Variants in SLC24A1 observed in about 807,000 individuals in gnomAD.
The protein encoded by SLC24A1 is sodium/potassium/calcium exchanger 1.
SLC24A1 carries 52 observed loss-of-function variants against 88.1 expected under a neutral mutation model. The observed-to-expected ratio is 0.59, with a 90% CI of 0.47 to 0.74. The LOEUF (loss-of-function observed/expected upper bound fraction) is 0.74, where lower values mean the gene tolerates loss of function less well. Among genes scored for constraint, SLC24A1 ranks in the 30% least tolerant of loss-of-function variants. SLC24A1 has a pLI of 0.00. For missense variants in SLC24A1, 1,173 were observed against 1,363.3 expected (o/e 0.86, Z 2.20); for synonymous variants, 455 against 498.0 (o/e 0.91, Z 1.15).
chr15:65,644,166 A>C lies in SLC24A1; in HGVS notation c.2054-261A>C, dbSNP rs2075226566. The C allele has an allele frequency of 1.1e-5, 5 of 449,148 alleles. No homozygotes were observed. In the Admixed American group the frequency reaches 1.7e-4, roughly 15 times the overall value. The allele number at this position is 449,148 out of a possible 1,614,324, so 27.8% of individuals were successfully genotyped here. A position where few individuals can be genotyped will look rare whatever the true frequency, so the allele number is the denominator to read the frequency against. On this transcript the variant is annotated intron_variant, in intron 4 of 9. Coordinates refer to ENST00000261892, the MANE Select transcript of SLC24A1 (RefSeq NM_004727.3). ...CATGTCATTTTACCAGAGAGGAAAT[A>C]GGCCTTGAGAAGGGAAATGACTTAC...
rs181945480 is a variant in SLC24A1, at chr15:65,651,898, A to T, written c.2883+139A>T. 1,094 of 681,736 alleles carry T rather than the reference A, an allele frequency of 1.6e-3. 19 individuals are homozygous for T. In the Admixed American group the frequency reaches 0.022, roughly 13 times the overall value. 42.2% of individuals were successfully genotyped at this position (681,736 alleles called of 1,614,324 possible). A position where few individuals can be genotyped will look rare whatever the true frequency, so the allele number is the denominator to read the frequency against. On this transcript the variant is annotated intron_variant, in intron 8 of 9. Transcript: ENST00000261892. Reference sequence around the variant, plus strand: ...TCTATGTTGTTTGTAAAGGCTTAAAAGTAGACTTTTTATTCCAGTGAACGC... The same window carrying T: ...TCTATGTTGTTTGTAAAGGCTTAAATGTAGACTTTTTATTCCAGTGAACGC...
chr15:65,643,141 A>G, intron 4 of SLC24A1: 3 of 721,324 alleles, frequency 4.2e-6, no homozygotes, highest in Non-Finnish European at 6.3e-6. Flanking sequence ...AAATTCATTT[A>G]CTTTGTCACC....
exon 1 of SLC24A1, chr15:65,611,431 G>A (rs930386231): frequency 1.8e-6 from 1 of 548,200 alleles, no homozygotes; most frequent in African/African-American, 1.9e-5. Context: ...CCCCATTCTC[G>A]GGCTCTTTCC....
intron 2 of SLC24A1, 67 bp downstream of exon 2, chr15:65,626,037 C>G: frequency 1.7e-6 from 2 of 1,180,736 alleles, no homozygotes; most frequent in Non-Finnish European, 2.5e-6. Context: ...AAGCCAGGAC[C>G]TGAAGAGAAG....
At chr15:65,656,265 C>G (rs1458673076), downstream of SLC24A1, 1 of 984,772 alleles carries the variant, frequency 1.0e-6, no homozygotes, top group Non-Finnish European at 1.2e-6. Context: ...ATCTGACATC[C>G]TTTTCCCAGT....
chr15:65,657,499 C>T (rs536893960), downstream of SLC24A1, among the ~76,000 whole-genome samples: 4 of 152,110 alleles, frequency 2.6e-5, no homozygotes, highest in African/African-American at 9.7e-5. Context: ...AAAAATTAGC[C>T]GGGCGAGGTG....
chr15:65,648,440 T>C (rs2075382729), intron 6 of SLC24A1, among the ~76,000 whole-genome samples: 1 of 152,182 alleles, frequency 6.6e-6, no homozygotes, highest in South Asian at 2.1e-4. Context: ...GGTTAGCTGG[T>C]TGCCTAATCT....
At position 65,624,943 on chromosome 15, in the gene SLC24A1, AAAGT is replaced by A. The variant is rs761718583; in HGVS notation, c.866_869del (p.Ser289ThrfsTer9). On this transcript the variant is annotated frameshift_variant, in exon 2 of 10. Transcript: ENST00000261892. LOFTEE classifies it high-confidence loss of function. ...AACCTGTTTCCCCCCAGAAGAGTGG[AAAGT>A]AACAGCTCAGCCCATCCCTGGGGGT... 6 of 1,611,736 alleles carry A rather than the reference AAAGT, an allele frequency of 3.7e-6. No homozygotes were observed. In the African/African-American group the frequency reaches 8.0e-5, roughly 22 times the overall value.
Position 65,655,134 on chromosome 15 carries a change from C to G in SLC24A1, c.*1055C>G. 2 of 995,510 alleles carry G rather than the reference C, an allele frequency of 2.0e-6. No homozygotes were observed. The highest frequency in any genetic ancestry group is 2.4e-6 in the Non-Finnish European group (2 of 836,174). 61.7% of individuals were successfully genotyped at this position (995,510 alleles called of 1,614,324 possible). A position where few individuals can be genotyped will look rare whatever the true frequency, so the allele number is the denominator to read the frequency against. ...TGGTCACCTTGAGGGATTAGACATT[C>G]TAATGGAATGTCCTGGCTCCACCCT... On this transcript the variant is annotated 3_prime_UTR_variant, in exon 10 of 10. Coordinates refer to ENST00000261892, the MANE Select transcript of SLC24A1 (RefSeq NM_004727.3).
intron 2 of SLC24A1, among the ~76,000 whole-genome samples, chr15:65,637,557 T>C (rs1338501241): frequency 6.6e-6 from 1 of 152,244 alleles, no homozygotes; most frequent in African/African-American, 2.4e-5. Context: ...TTGATTTTCA[T>C]TTATTCATTC....
intron 4 of SLC24A1, among the ~76,000 whole-genome samples, chr15:65,640,482 C>A (rs2075087820): frequency 1.3e-5 from 2 of 152,186 alleles, no homozygotes; most frequent in South Asian, 4.1e-4. Flanking sequence ...CTCTCCTGCT[C>A]TCCTGGAGCC....
In SLC24A1 at chr15:65,654,520, C is replaced by CA. The variant is rs1448795516; in HGVS notation, c.*442dup. Reference sequence around the variant, plus strand: ...GCCTTCCTGACCTCTGCCCCAAACACACGCTGCAATTTTGTCTCCTCCTTT... The same window carrying CA: ...GCCTTCCTGACCTCTGCCCCAAACACAACGCTGCAATTTTGTCTCCTCCTTT... On this transcript the variant is annotated 3_prime_UTR_variant, in exon 10 of 10. Coordinates refer to ENST00000261892, the MANE Select transcript of SLC24A1 (RefSeq NM_004727.3). The CA allele has an allele frequency of 1.7e-6, 2 of 1,184,110 alleles. No individual in the cohort carries two copies. The highest frequency in any genetic ancestry group is 2.1e-6 in the Non-Finnish European group (2 of 943,876). The allele number at this position is 1,184,110 out of a possible 1,614,324, so 73.4% of individuals were successfully genotyped here. A position where few individuals can be genotyped will look rare whatever the true frequency, so the allele number is the denominator to read the frequency against.
intron 4 of SLC24A1, chr15:65,643,064 T>A (rs961820901): frequency 7.8e-6 from 10 of 1,281,004 alleles, no homozygotes; most frequent in African/African-American, 1.5e-5. Flanking sequence ...GTTGTTGTTG[T>A]TGTTACAGCT....
exon 1 of SLC24A1, chr15:65,611,490 CTG>C (rs1249365035): frequency 1.2e-5 from 5 of 425,298 alleles, no homozygotes; most frequent in East Asian, 4.4e-5. Context: ...CCCGGTGACT[CTG>C]TGTCCGCTTC....
chr15:65,614,155 G>A (rs2074061860), intron 2 of SLC24A1, among the ~76,000 whole-genome samples: 1 of 152,110 alleles, frequency 6.6e-6, no homozygotes, highest in African/African-American at 2.4e-5. Context: ...ATCCCTGTGT[G>A]CCCTTCACCC....
At chr15:65,638,539 A>G (rs1038064683) in intron 3 of SLC24A1, among the ~76,000 whole-genome samples, 12 of 152,208 alleles carry the variant, frequency 7.9e-5, no homozygotes, top group Non-Finnish European at 1.8e-4. Context: ...GATTGATATA[A>G]AAGCCAGATT....
intron 2 of SLC24A1, among the ~76,000 whole-genome samples, chr15:65,629,894 C>T (rs1022657181): frequency 1.5e-4 from 23 of 152,178 alleles, no homozygotes; most frequent in Non-Finnish European, 2.9e-4. Flanking sequence ...ACTCTTCCCT[C>T]GAGAATACTC....
At chr15:65,627,639 C>T (rs2074564065) in intron 2 of SLC24A1, among the ~76,000 whole-genome samples, 1 of 152,168 alleles carries the variant, frequency 6.6e-6, no homozygotes, top group Non-Finnish European at 1.5e-5. Flanking sequence ...GCAGGCCTTG[C>T]TAAGTTCTCA....
downstream of SLC24A1, chr15:65,660,299 T>G (rs746876293): frequency 6.5e-7 from 1 of 1,535,326 alleles, no homozygotes; most frequent in South Asian, 1.2e-5. Context: ...TGTGAAATGT[T>G]TCAGCATGGT....
Sources: gnomAD v4.1 joint callset for allele counts (sites outside exome capture counted in the v4.1 genomes callset) on GRCh38, gnomAD v4.1.1 for gene constraint, MANE v1.5 for transcripts, NCBI Gene and HGNC (gene_info 2026-07-23, HGNC 2026-07-21) for gene names.